Variants in ZNF438 observed in about 807,000 individuals in gnomAD.
ZNF438 encodes zinc finger protein 438.
Under a neutral mutation model 38.0 loss-of-function variants are expected in ZNF438, and 25 were observed. That is an observed-to-expected ratio of 0.66 (90% CI 0.48 to 0.92). The LOEUF is 0.92. Ranked by LOEUF, ZNF438 falls within the 40% of genes least tolerant of loss-of-function variation. The pLI is 0.00. For missense variants in ZNF438, 1,007 were observed against 999.6 expected (o/e 1.01, Z -0.10); for synonymous variants, 372 against 364.1 (o/e 1.02, Z -0.25).
chr10:31,032,353 C>G (rs573854500), upstream of ZNF438, among the ~76,000 whole-genome samples: 39 of 152,300 alleles, frequency 2.6e-4, 3 homozygotes, highest in South Asian at 7.2e-3. Flanking sequence ...GAAAAGACAG[C>G]TCTCCCAGGG....
At chr10:30,928,234 A>G (rs1200648938) in intron 2 of ZNF438, among the ~76,000 whole-genome samples, 2 of 152,218 alleles carry the variant, frequency 1.3e-5, no homozygotes, top group Non-Finnish European at 2.9e-5. Context: ...CTTTTAATCT[A>G]AAAGTACCAT....
chr10:31,013,704 C>T (rs529418659), intron 1 of ZNF438, among the ~76,000 whole-genome samples: 26 of 152,264 alleles, frequency 1.7e-4, no homozygotes, highest in African/African-American at 6.0e-4. Context: ...CTGATGCCAT[C>T]ATTTATCCAC....
At chr10:30,887,136 C>G (rs1486307646) in intron 3 of ZNF438, among the ~76,000 whole-genome samples, 1 of 152,206 alleles carries the variant, frequency 6.6e-6, no homozygotes, top group Non-Finnish European at 1.5e-5. Flanking sequence ...AATATTTCTC[C>G]AGCCTAAATC....
chr10:30,931,516 A>G (rs1479149500), intron 2 of ZNF438, among the ~76,000 whole-genome samples: 1 of 152,220 alleles, frequency 6.6e-6, no homozygotes, highest in Non-Finnish European at 1.5e-5. Context: ...CAAATTAAAT[A>G]CCCTAACTTC....
chr10:30,982,792 T>C (rs2052359135), intron 1 of ZNF438, among the ~76,000 whole-genome samples: 1 of 152,224 alleles, frequency 6.6e-6, no homozygotes. Flanking sequence ...AGTCTTTTAA[T>C]ATTTATAGAA....
chr10:30,899,767 C>T (rs994395058), intron 3 of ZNF438, among the ~76,000 whole-genome samples: 3 of 151,874 alleles, frequency 2.0e-5, no homozygotes, highest in African/African-American at 7.3e-5. Context: ...TATATACTTA[C>T]ACAATCTACT....
intron 4 of ZNF438, among the ~76,000 whole-genome samples, chr10:30,874,366 TCTCTAACTCCTGGC>T (rs1339782406): frequency 6.6e-6 from 1 of 151,838 alleles, no homozygotes; most frequent in Non-Finnish European, 1.5e-5. Context: ...CCCAGGCTGG[TCTCTAACTCCTGGC>T]CTCAAGTTAT....
In ZNF438 at chr10:31,016,318, T is replaced by C. The variant is rs150976046; in HGVS notation, c.-192+15515A>G. On this transcript the variant is annotated intron_variant, in intron 1 of 5. Transcript: ENST00000413025. Reference sequence around the variant, plus strand: ...AGACAATCTGAAAAATAAATTTTCATAGAAAGAATACATAAATGAAAAGCT... The same window carrying C: ...AGACAATCTGAAAAATAAATTTTCACAGAAAGAATACATAAATGAAAAGCT... 5.5e-3 allele frequency among the ~76,000 whole-genome samples: 831 copies of C among 152,268 alleles called. 4 individuals are homozygous for C. Among genetic ancestry groups the C allele is most frequent in the Non-Finnish European group, 7.6e-3 (518 of 68,014 alleles).
chr10:31,020,767 AAT>A (rs1385367582), intron 1 of ZNF438, among the ~76,000 whole-genome samples: 1 of 151,586 alleles, frequency 6.6e-6, no homozygotes, highest in Non-Finnish European at 1.5e-5. Flanking sequence ...TCATAATGTT[AAT>A]GTTATATTAT....
In ZNF438 at chr10:30,876,993, C is replaced by T. The variant is rs2038528544; in HGVS notation, c.37+5G>A. The stretch of plus-strand genomic sequence containing the variant: ...ATCACCATTTTCCTCAGCAGTTTAA[C>T]TTACCTTCATCTTTTGGTGGTACTG... On this transcript the variant is annotated splice_donor_5th_base_variant and intron_variant, in intron 4 of 5. Transcript: ENST00000413025. 1 of 1,605,074 alleles carries T rather than the reference C, an allele frequency of 6.2e-7. No individual in the cohort carries two copies. Among genetic ancestry groups the T allele is most frequent in the African/African-American group, 1.3e-5 (1 of 74,764 alleles).
intron 2 of ZNF438, among the ~76,000 whole-genome samples, chr10:30,921,615 T>A (rs1276962292): frequency 6.6e-6 from 1 of 152,228 alleles, no homozygotes; most frequent in Non-Finnish European, 1.5e-5. Flanking sequence ...GTCACTTATT[T>A]CAGAAAAGTT....
intron 1 of ZNF438, among the ~76,000 whole-genome samples, chr10:30,963,644 C>T (rs1172803970): frequency 6.6e-6 from 1 of 152,018 alleles, no homozygotes; most frequent in African/African-American, 2.4e-5. Context: ...GAGGCCAAGG[C>T]GAGTGGATCA....
chr10:30,876,847 A>G, intron 4 of ZNF438, 151 bp downstream of exon 5: 1 of 503,876 alleles, frequency 2.0e-6, no homozygotes, highest in South Asian at 6.3e-5. Context: ...CAAATTATTT[A>G]CCAAAAGAAA....
chr10:30,937,303 A>T (rs2046356422), intron 2 of ZNF438, among the ~76,000 whole-genome samples: 1 of 152,216 alleles, frequency 6.6e-6, no homozygotes, highest in South Asian at 2.1e-4. Flanking sequence ...TATCAAATTT[A>T]ATGCTAAAAA....
At chr10:30,939,744 G>C (rs1007610812) in intron 2 of ZNF438, among the ~76,000 whole-genome samples, 1 of 152,142 alleles carries the variant, frequency 6.6e-6, no homozygotes, top group Non-Finnish European at 1.5e-5. Flanking sequence ...TGTTCAACCT[G>C]CCCAGAAACT....
chr10:30,973,536 T>G, intron 1 of ZNF438, among the ~76,000 whole-genome samples: 1 of 152,370 alleles, frequency 6.6e-6, no homozygotes, highest in Middle Eastern at 3.4e-3. Flanking sequence ...TCTAATTTAT[T>G]TTGAATTTTA....
chr10:30,928,208 T>C (rs1437991504), intron 2 of ZNF438, among the ~76,000 whole-genome samples: 3 of 152,166 alleles, frequency 2.0e-5, no homozygotes, highest in Non-Finnish European at 4.4e-5. Flanking sequence ...AAAATCAAAA[T>C]GCAATTTGGA....
At chr10:30,890,083 CAAAAAA>C (rs71863439) in intron 3 of ZNF438, among the ~76,000 whole-genome samples, 1 of 93,390 alleles carries the variant, frequency 1.1e-5, no homozygotes, top group East Asian at 3.7e-4. Flanking sequence ...TTGGCATTTC[CAAAAAA>C]AAAAAAAAAA....
intron 1 of ZNF438, among the ~76,000 whole-genome samples, chr10:31,029,499 G>A: frequency 6.6e-6 from 1 of 151,956 alleles, no homozygotes; most frequent in South Asian, 2.1e-4. Context: ...ACATCAGCTC[G>A]TTTCCCGTCA....
Sources: gnomAD v4.1 joint callset for allele counts (sites outside exome capture counted in the v4.1 genomes callset) on GRCh38, gnomAD v4.1.1 for gene constraint, MANE v1.5 for transcripts, NCBI Gene and HGNC (gene_info 2026-07-23, HGNC 2026-07-21) for gene names.